IL1RAPL2: variants seen among roughly 807,000 people sequenced by gnomAD.
The protein encoded by IL1RAPL2 is interleukin 1 receptor accessory protein like 2, also known as X-linked interleukin-1 receptor accessory protein-like 2.
IL1RAPL2 carries 3 observed loss-of-function variants against 44.1 expected under a neutral mutation model. The observed-to-expected ratio is 0.07, with a 90% CI of 0.03 to 0.18. The LOEUF is 0.18. Among genes scored for constraint, IL1RAPL2 ranks in the 10% least tolerant of loss-of-function variants. The pLI is 1.00. For missense variants in IL1RAPL2, 391 were observed against 496.4 expected, an observed-to-expected ratio of 0.79 and a Z score of 2.02; for synonymous variants, 181 against 178.8, an observed-to-expected ratio of 1.01 and a Z score of -0.10.
At chrX:105,419,493 A>G (rs2035759124) in intron 5 of IL1RAPL2, among the ~76,000 whole-genome samples, 2 of 111,943 alleles carry the variant, frequency 1.8e-5, no homozygotes, top group Admixed American at 9.5e-5. Context: ...TCAAAGCACG[A>G]ATTCTACTGA....
intron 1 of IL1RAPL2, among the ~76,000 whole-genome samples, chrX:104,611,603 T>A (rs1006522661): frequency 1.8e-5 from 2 of 110,379 alleles, no homozygotes; most frequent in Non-Finnish European, 3.8e-5. Context: ...TTTGGGAGGC[T>A]GAGGCGGACA....
chrX:104,715,612 A>C (rs758500041), intron 2 of IL1RAPL2, among the ~76,000 whole-genome samples: 4 of 108,591 alleles, frequency 3.7e-5, no homozygotes, highest in Non-Finnish European at 7.7e-5. Context: ...AAAATCACTA[A>C]TATTCCTATA....
At chrX:104,592,145 A>G (rs757666169) in intron 1 of IL1RAPL2, among the ~76,000 whole-genome samples, 51 of 60,216 alleles carry the variant, frequency 8.5e-4, no homozygotes, top group African/African-American at 2.3e-3. Flanking sequence ...ATGCCCGTAT[A>G]TGTGTGTGTG....
chrX:105,536,714 T>G (rs2036680081), intron 6 of IL1RAPL2, among the ~76,000 whole-genome samples: 1 of 112,044 alleles, frequency 8.9e-6, no homozygotes, highest in Admixed American at 9.5e-5. Flanking sequence ...CATGAGAGTT[T>G]CTATTTCACC....
At chrX:104,661,376 G>A (rs753883901) in intron 2 of IL1RAPL2, among the ~76,000 whole-genome samples, 12 of 111,300 alleles carry the variant, frequency 1.1e-4, no homozygotes, top group African/African-American at 2.6e-4. Context: ...TGGTGTATAC[G>A]GAGTAGGCAG....
At chrX:105,257,445 A>G (rs2034324252) in intron 4 of IL1RAPL2, among the ~76,000 whole-genome samples, 1 of 111,806 alleles carries the variant, frequency 8.9e-6, no homozygotes, top group Admixed American at 9.5e-5. Context: ...GTAAAGGTCT[A>G]TGAGATCCAT....
rs893399664 is a variant in IL1RAPL2, at chrX:105,363,307, T to A, written c.697+95766T>A. On this transcript the variant is annotated intron_variant, in intron 5 of 10. Coordinates refer to ENST00000372582, the MANE Select transcript of IL1RAPL2 (RefSeq NM_017416.2). ...TATATATAATATATATATATATATA[T>A]AATATATATATATATATATATATTC... is the stretch of plus-strand genomic sequence containing the variant. Among the ~76,000 whole-genome samples the A allele has an allele frequency of 2.4e-3, 174 of 71,908 alleles. 2 individuals carry two copies. Among genetic ancestry groups the A allele is most frequent in the Middle Eastern group, 0.012 (2 of 162 alleles). The allele number at this position is 71,908 out of a possible 115,157, so 62.4% of individuals were successfully genotyped here. A position where few individuals can be genotyped will look rare whatever the true frequency, so the allele number is the denominator to read the frequency against.
chrX:104,586,866 A>G (rs1407644363), intron 1 of IL1RAPL2, among the ~76,000 whole-genome samples: 4 of 111,805 alleles, frequency 3.6e-5, no homozygotes, highest in Non-Finnish European at 7.5e-5. Flanking sequence ...AGAAGGACTG[A>G]AAGTGTTTGA....
chrX:105,636,249 A>AT (rs1313199350), intron 6 of IL1RAPL2, among the ~76,000 whole-genome samples: 1 of 111,223 alleles, frequency 9.0e-6, no homozygotes, highest in East Asian at 2.8e-4. Context: ...CCTCTCCCTG[A>AT]TCTCATCAAA....
intron 6 of IL1RAPL2, among the ~76,000 whole-genome samples, chrX:105,551,287 C>CA (rs764140800): frequency 0.094 from 7,709 of 81,699 alleles, 287 homozygotes; most frequent in Non-Finnish European, 0.11. Context: ...TGCACTTTAC[C>CA]AAAAAAAAAA....
intron 6 of IL1RAPL2, among the ~76,000 whole-genome samples, chrX:105,582,526 G>A (rs1229218398): frequency 9.0e-6 from 1 of 110,636 alleles, no homozygotes; most frequent in Non-Finnish European, 1.9e-5. Context: ...AAAATAACAT[G>A]TTTTATTAAA....
At chrX:105,705,469 A>C (rs2038158771) in intron 6 of IL1RAPL2, among the ~76,000 whole-genome samples, 1 of 110,968 alleles carries the variant, frequency 9.0e-6, no homozygotes, top group Non-Finnish European at 1.9e-5. Context: ...AGTGTGAGAA[A>C]TGGACCAAAG....
intron 2 of IL1RAPL2, among the ~76,000 whole-genome samples, chrX:105,061,362 G>A (rs2032073634): frequency 9.0e-6 from 1 of 111,621 alleles, no homozygotes; most frequent in Non-Finnish European, 1.9e-5. Context: ...AATTCCTCAT[G>A]TTATTTATTT....
intron 6 of IL1RAPL2, among the ~76,000 whole-genome samples, chrX:105,617,938 T>C (rs1015782535): frequency 9.0e-6 from 1 of 111,381 alleles, no homozygotes; most frequent in African/African-American, 3.3e-5. Flanking sequence ...CATTAAATAA[T>C]TTTCACAAAG....
chrX:104,619,855 G>A (rs1019830647), intron 1 of IL1RAPL2, among the ~76,000 whole-genome samples: 7 of 111,940 alleles, frequency 6.3e-5, no homozygotes, highest in African/African-American at 1.3e-4. Flanking sequence ...AGAAGTACAG[G>A]TGCAATGGAA....
At chrX:105,590,542 C>A (rs1164144853) in intron 6 of IL1RAPL2, among the ~76,000 whole-genome samples, 9 of 111,298 alleles carry the variant, frequency 8.1e-5, no homozygotes, top group Non-Finnish European at 1.7e-4. Context: ...GAGGTTTATT[C>A]ATTCAATGCC....
chrX:105,174,150 A>G (rs930241537), intron 2 of IL1RAPL2, among the ~76,000 whole-genome samples: 3 of 110,662 alleles, frequency 2.7e-5, no homozygotes, highest in Non-Finnish European at 5.7e-5. Flanking sequence ...GGAGCTGACA[A>G]ATTTTCAAAT....
At chrX:105,264,425 G>C (rs1219844055) in intron 4 of IL1RAPL2, among the ~76,000 whole-genome samples, 1 of 111,432 alleles carries the variant, frequency 9.0e-6, no homozygotes, top group Non-Finnish European at 1.9e-5. Context: ...CTGTTCATTA[G>C]GAAGTTAGTG....
chrX:104,917,491 A>T (rs1924491193), intron 2 of IL1RAPL2, among the ~76,000 whole-genome samples: 1 of 111,948 alleles, frequency 8.9e-6, no homozygotes. Flanking sequence ...ATTTAAAAAA[A>T]ACCTTGGGGA....
Sources: allele counts gnomAD v4.1 joint callset (sites outside exome capture counted in the v4.1 genomes callset), GRCh38; gene constraint gnomAD v4.1.1; transcripts MANE v1.5; gene names NCBI Gene and HGNC (gene_info 2026-07-23, HGNC 2026-07-21).